ATG16L2: variants seen among roughly 807,000 people sequenced by gnomAD.
ATG16L2 encodes the protein protein Atg16l2.
A neutral mutation model predicts 84.7 loss-of-function variants in ATG16L2; 77 were observed. That is an observed-to-expected ratio of 0.91 (90% CI 0.76 to 1.10). ATG16L2 has a LOEUF of 1.10. Ranked by LOEUF, ATG16L2 falls within the 50% of genes least tolerant of loss-of-function variation. ATG16L2 has a pLI of 0.00. For missense variants in ATG16L2, 782 were observed against 817.6 expected (o/e 0.96, Z 0.53); for synonymous variants, 361 against 342.8 (o/e 1.05, Z -0.59).
At position 72,821,422 on chromosome 11, in the gene ATG16L2, G is replaced by C. The variant is rs181010657; in HGVS notation, c.319-246G>C. 2.3e-6 allele frequency: 3 copies of C among 1,326,072 alleles called. No homozygotes were observed. In the East Asian group the frequency reaches 9.4e-5, roughly 41 times the overall value. 82.1% of individuals were successfully genotyped at this position (1,326,072 alleles called of 1,614,324 possible). On this transcript the variant is annotated intron_variant, in intron 3 of 17. Transcript: ENST00000321297. Reference sequence around the variant, plus strand: ...TGCCAGAGAGGTTCCTAGTAGGGTCGCAGAGAAACGAAGCGGCACGGCGAG... The same window carrying C: ...TGCCAGAGAGGTTCCTAGTAGGGTCCCAGAGAAACGAAGCGGCACGGCGAG...
exon 6 of ATG16L2, chr11:72,843,342 A>G: frequency 6.2e-7 from 1 of 1,607,328 alleles, no homozygotes; most frequent in Non-Finnish European, 8.5e-7. Context: ...GGTAAAAGAC[A>G]TGTGACAAAA....
intron 5 of ATG16L2, among the ~76,000 whole-genome samples, chr11:72,839,598 C>T (rs1860844984): frequency 6.6e-6 from 1 of 152,028 alleles, no homozygotes; most frequent in Non-Finnish European, 1.5e-5. Flanking sequence ...CTGTGGGAGG[C>T]AGGGGCAGGA....
At chr11:72,832,352 T>TA (rs1456266659), downstream of ATG16L2, among the ~76,000 whole-genome samples, 2 of 152,312 alleles carry the variant, frequency 1.3e-5, no homozygotes, top group Non-Finnish European at 2.9e-5. Context: ...ATGTTCACCT[T>TA]AACTTGCTTG....
exon 6 of ATG16L2, chr11:72,842,825 T>C: frequency 6.2e-7 from 1 of 1,613,842 alleles, no homozygotes; most frequent in South Asian, 1.1e-5. Context: ...AATCATAAAG[T>C]GCTTTCACAA....
chr11:72,822,802 G>T lies in ATG16L2; in HGVS notation c.711-46G>T, dbSNP rs571517082. On this transcript the variant is annotated intron_variant, in intron 6 of 17. Coordinates refer to ENST00000321297, the MANE Select transcript of ATG16L2 (RefSeq NM_033388.2). The surrounding 1 kb of genome is among the most constrained non-coding windows in gnomAD (Gnocchi z 4.2). Reference sequence around the variant, plus strand: ...GTATCCTGTGCTGGGGTCGGGAGGGGCTGGCTTGGTCCCTTGGCCTTTCTG... The same window carrying T: ...GTATCCTGTGCTGGGGTCGGGAGGGTCTGGCTTGGTCCCTTGGCCTTTCTG... 5.6e-6 allele frequency: 8 copies of T among 1,421,878 alleles called. No individual in the cohort carries two copies. In the Admixed American group the frequency reaches 1.8e-4, roughly 32 times the overall value. 88.1% of individuals were successfully genotyped at this position (1,421,878 alleles called of 1,614,324 possible). A position where few individuals can be genotyped will look rare whatever the true frequency, so the allele number is the denominator to read the frequency against.
chr11:72,815,292 T>C (rs140836009), intron 1 of ATG16L2, among the ~76,000 whole-genome samples: 33 of 152,338 alleles, frequency 2.2e-4, no homozygotes, highest in Non-Finnish European at 3.5e-4. Context: ...CTAACCACAA[T>C]CCCTGCGGCT....
Position 72,824,129 on chromosome 11 carries a change from G to T in ATG16L2, c.887+7G>T. The T allele has an allele frequency of 1.9e-6, 3 of 1,614,190 alleles. No individual in the cohort carries two copies. The South Asian group carries it at 3.3e-5, about 18-fold the overall frequency. On this transcript the variant is annotated splice_region_variant and intron_variant, in intron 8 of 17. Transcript: ENST00000321297. ...TGGTGAAGGGGCTTCTGGAGTAAGTGTGTGTGTGCCTGTGTGTGCACCCAC... is the reference window on the plus strand; with the variant it reads ...TGGTGAAGGGGCTTCTGGAGTAAGTTTGTGTGTGCCTGTGTGTGCACCCAC...
downstream of ATG16L2, among the ~76,000 whole-genome samples, chr11:72,833,838 G>A (rs1033288514): frequency 2.0e-5 from 3 of 151,980 alleles, no homozygotes; most frequent in African/African-American, 4.8e-5. Flanking sequence ...CAGGAGAATC[G>A]CTTGAACCCA....
At chr11:72,841,576 G>A (rs1165845178) in intron 5 of ATG16L2, 1 of 1,603,150 alleles carries the variant, frequency 6.2e-7, no homozygotes, top group Non-Finnish European at 8.5e-7. Context: ...CTTGGGGGAA[G>A]GAGAGATCTG....
Position 72,829,438 on chromosome 11 carries a change from GCTTCCTTC to G in ATG16L2, c.*49_*56del, listed in dbSNP as rs780712339. On this transcript the variant is annotated 3_prime_UTR_variant, in exon 18 of 18. Transcript: ENST00000321297. ...CTGGAGCTCTTGCCCGAAGCCTGAAGCTTCCTTCGGCGCCATGCAGGGGTTGGGGTTGG... is the reference window on the plus strand; with the variant it reads ...CTGGAGCTCTTGCCCGAAGCCTGAAGGGCGCCATGCAGGGGTTGGGGTTGG... 6.3e-7 allele frequency: 1 copy of G among 1,587,316 alleles called. No homozygotes were observed. The highest frequency in any genetic ancestry group is 8.6e-7 in the Non-Finnish European group (1 of 1,165,210).
chr11:72,835,717 G>A (rs1860711261), intron 5 of ATG16L2, among the ~76,000 whole-genome samples: 1 of 151,736 alleles, frequency 6.6e-6, no homozygotes, highest in African/African-American at 2.4e-5. Context: ...TCCACACTTA[G>A]GAATCTACCC....
In ATG16L2 at chr11:72,822,980, G is replaced by T; in HGVS notation, c.824+19G>T. The T allele has an allele frequency of 1.3e-6, 2 of 1,525,352 alleles. No homozygotes were observed. The highest frequency in any genetic ancestry group is 1.8e-6 in the Non-Finnish European group (2 of 1,124,234). 94.5% of individuals were successfully genotyped at this position (1,525,352 alleles called of 1,614,324 possible). A position where few individuals can be genotyped will look rare whatever the true frequency, so the allele number is the denominator to read the frequency against. ...CCTTCAGGTGAGGACCCAGGTGACA[G>T]TCTCAGAGCTCTGAGCTGAGCCCCA... On this transcript the variant is annotated intron_variant, in intron 7 of 17. Coordinates refer to ENST00000321297, the MANE Select transcript of ATG16L2 (RefSeq NM_033388.2). The surrounding 1 kb of genome is among the most constrained non-coding windows in gnomAD (Gnocchi z 4.2).
intron 1 of ATG16L2, among the ~76,000 whole-genome samples, chr11:72,815,494 C>G (rs1214652381): frequency 6.6e-6 from 1 of 152,088 alleles, no homozygotes; most frequent in Non-Finnish European, 1.5e-5. Context: ...GAGGGGGTCA[C>G]CGCCCCCCCA....
Position 72,822,270 on chromosome 11 carries a change from A to C in ATG16L2, c.619A>C (p.Asn207His), listed in dbSNP as rs957189286. The C allele has an allele frequency of 3.3e-6, 5 of 1,506,036 alleles. No individual in the cohort carries two copies. The highest frequency in any genetic ancestry group is 2.5e-5 in the East Asian group (1 of 39,578). The allele number at this position is 1,506,036 out of a possible 1,614,324, so 93.3% of individuals were successfully genotyped here. A position where few individuals can be genotyped will look rare whatever the true frequency, so the allele number is the denominator to read the frequency against. The change falls in exon 5 of 18, where the codon AAC (asparagine) becomes CAC (histidine). Residue 207 changes from asparagine to histidine, a missense_variant. Physicochemically the swap from Asn to His is moderately conservative, Grantham distance 68. Coordinates refer to ENST00000321297, the MANE Select transcript of ATG16L2 (RefSeq NM_033388.2). The surrounding 1 kb of genome is among the most constrained non-coding windows in gnomAD (Gnocchi z 4.2). Reference protein sequence around the residue: ...QRKARAAAERNLRNERRERAK... With the variant: ...QRKARAAAERHLRNERRERAK... ...CAAGGCGCGCGCCGCGGCCGAGCGCAACCTGCGCAACGAGCGCCGGGAGCG... is the reference window on the plus strand; with the variant it reads ...CAAGGCGCGCGCCGCGGCCGAGCGCCACCTGCGCAACGAGCGCCGGGAGCG...
At chr11:72,826,641 C>G (rs754790128) in intron 12 of ATG16L2, 52 bp downstream of exon 12, 1 of 1,614,062 alleles carries the variant, frequency 6.2e-7, no homozygotes. Context: ...TACCTCAGGA[C>G]TAGGGGGCCT....
chr11:72,833,564 GCA>G (rs2135134130), downstream of ATG16L2, among the ~76,000 whole-genome samples: 1 of 152,272 alleles, frequency 6.6e-6, no homozygotes, highest in South Asian at 2.1e-4. Flanking sequence ...AGTTCTATGC[GCA>G]GTGTAGAAGG....
chr11:72,824,318 G>A, intron 8 of ATG16L2, 196 bp downstream of exon 8: 2 of 644,572 alleles, frequency 3.1e-6, no homozygotes, highest in Non-Finnish European at 5.4e-6. Context: ...TCCAGGTTCT[G>A]TCCTCACAAG....
chr11:72,823,603 G>A (rs1187333525), intron 7 of ATG16L2: 5 of 427,000 alleles, frequency 1.2e-5, no homozygotes, highest in Admixed American at 1.1e-4. Flanking sequence ...CGTGGGGAGG[G>A]GCATGAGATG....
chr11:72,821,891 G>T, intron 4 of ATG16L2, 150 bp downstream of exon 4: 1 of 1,418,402 alleles, frequency 7.1e-7, no homozygotes. Context: ...CGAACGGCTG[G>T]GCTCTGAGGG....
Sources: gnomAD v4.1 joint callset for allele counts (sites outside exome capture counted in the v4.1 genomes callset) on GRCh38, gnomAD v4.1.1 for gene constraint, Gnocchi (gnomAD v3.1) non-coding constraint, MANE v1.5 for transcripts, NCBI Gene and HGNC (gene_info 2026-07-23, HGNC 2026-07-21) for gene names.